Variants in ZRANB3 observed in about 807,000 individuals in gnomAD.
ZRANB3 encodes the protein zinc finger RANBP2-type containing 3.
ZRANB3 carries 125 observed loss-of-function variants against 133.8 expected under a neutral mutation model. The observed-to-expected ratio is 0.93, with a 90% CI of 0.81 to 1.08. The LOEUF (loss-of-function observed/expected upper bound fraction) is 1.08. Among genes scored for constraint, ZRANB3 ranks in the 50% least tolerant of loss-of-function variants. The pLI is 0.00. For missense variants in ZRANB3, 1,229 were observed against 1,275.5 expected (o/e 0.96, Z 0.56); for synonymous variants, 387 against 432.7 (o/e 0.89, Z 1.31).
At chr2:135,521,297 C>T (rs890037554) in intron 1 of ZRANB3, among the ~76,000 whole-genome samples, 1 of 152,162 alleles carries the variant, frequency 6.6e-6, no homozygotes, top group African/African-American at 2.4e-5. Flanking sequence ...GCCTGTAATC[C>T]CAGCACTTTG....
In ZRANB3 at chr2:135,492,965, A is replaced by G. The variant is rs558899641; in HGVS notation, c.161+11364T>C. Among the ~76,000 whole-genome samples the G allele has an allele frequency of 4.0e-5, 6 of 151,424 alleles. No individual in the cohort carries two copies. In the South Asian group the frequency reaches 1.0e-3, roughly 26 times the overall value. ...ATATGTGGTCAATCAATTTTTCACTAAAGTGCCAAGGTAATTTATGGGAAT... is the reference window on the plus strand; with the variant it reads ...ATATGTGGTCAATCAATTTTTCACTGAAGTGCCAAGGTAATTTATGGGAAT... On this transcript the variant is annotated intron_variant, in intron 2 of 20. Coordinates refer to ENST00000264159, the MANE Select transcript of ZRANB3 (RefSeq NM_032143.4).
At chr2:135,251,913 T>C (rs1679416525) in intron 12 of ZRANB3, among the ~76,000 whole-genome samples, 2 of 152,150 alleles carry the variant, frequency 1.3e-5, no homozygotes, top group South Asian at 2.1e-4. Flanking sequence ...TGTGTGCCTG[T>C]AGTCCCAGCT....
At chr2:135,476,000 C>T (rs578087272) in intron 2 of ZRANB3, among the ~76,000 whole-genome samples, 1 of 152,098 alleles carries the variant, frequency 6.6e-6, no homozygotes, top group Non-Finnish European at 1.5e-5. Context: ...ATCGTTTGAA[C>T]CCGGGAGGCG....
intron 2 of ZRANB3, among the ~76,000 whole-genome samples, chr2:135,444,321 T>C (rs1689922391): frequency 6.6e-6 from 1 of 152,194 alleles, no homozygotes; most frequent in Admixed American, 6.5e-5. Context: ...TGCATGGGAA[T>C]GTTCATAACA....
At chr2:135,323,888 C>G (rs1203872302) in intron 6 of ZRANB3, among the ~76,000 whole-genome samples, 1 of 151,946 alleles carries the variant, frequency 6.6e-6, no homozygotes, top group African/African-American at 2.4e-5. Flanking sequence ...CTGTCACAGC[C>G]TCCTGAGCAG....
At chr2:135,483,012 G>A (rs1371811532) in intron 2 of ZRANB3, among the ~76,000 whole-genome samples, 2 of 151,990 alleles carry the variant, frequency 1.3e-5, no homozygotes, top group Admixed American at 1.3e-4. Flanking sequence ...TGCTGGATTC[G>A]GTTTGCCAAT....
chr2:135,393,769 T>C (rs1165348617), intron 2 of ZRANB3, among the ~76,000 whole-genome samples: 2 of 152,122 alleles, frequency 1.3e-5, no homozygotes, highest in Non-Finnish European at 2.9e-5. Flanking sequence ...AAGAGAAAAC[T>C]AGGACTGGTA....
At chr2:135,265,323 A>T (rs1680178035) in intron 12 of ZRANB3, among the ~76,000 whole-genome samples, 1 of 152,116 alleles carries the variant, frequency 6.6e-6, no homozygotes, top group Non-Finnish European at 1.5e-5. Flanking sequence ...TCTGAATTTT[A>T]TTCAGTTTGT....
rs140647813 is a variant in ZRANB3, at chr2:135,307,516, T to G, written c.966+5973A>C. On this transcript the variant is annotated intron_variant, in intron 8 of 20. Transcript: ENST00000264159. Reference sequence around the variant, plus strand: ...CTTGCATGTTGTTTATCTTTTCTATTTGATGCTTTAACATATTATTCATAG... The same window carrying G: ...CTTGCATGTTGTTTATCTTTTCTATGTGATGCTTTAACATATTATTCATAG... Among the ~76,000 whole-genome samples, 212 of 152,374 alleles carry G rather than the reference T, an allele frequency of 1.4e-3. 2 individuals are homozygous for G. The highest frequency in any genetic ancestry group is 3.4e-3 in the Middle Eastern group (1 of 294).
chr2:135,378,231 A>T (rs1686513635), intron 3 of ZRANB3, among the ~76,000 whole-genome samples: 1 of 152,306 alleles, frequency 6.6e-6, no homozygotes, highest in South Asian at 2.1e-4. Context: ...AGTGGCTGAC[A>T]CCTGTAATCC....
chr2:135,418,229 T>C (rs530766632), intron 2 of ZRANB3, among the ~76,000 whole-genome samples: 284 of 152,280 alleles, frequency 1.9e-3, no homozygotes, highest in Middle Eastern at 0.014. Flanking sequence ...CTAGAGATAA[T>C]TTAAAGTATA....
intron 3 of ZRANB3, among the ~76,000 whole-genome samples, chr2:135,365,075 A>G (rs1163809372): frequency 6.6e-6 from 1 of 151,324 alleles, no homozygotes; most frequent in Non-Finnish European, 1.5e-5. Context: ...TGAAATAAAA[A>G]TAAATAATAA....
intron 1 of ZRANB3, among the ~76,000 whole-genome samples, chr2:135,513,942 T>C (rs575915583): frequency 1.6e-4 from 24 of 152,248 alleles, no homozygotes; most frequent in Admixed American, 3.3e-4. Flanking sequence ...GAGCAGATGG[T>C]TGTAGATGTG....
At chr2:135,357,106 G>A (rs979564740) in intron 3 of ZRANB3, among the ~76,000 whole-genome samples, 6 of 151,938 alleles carry the variant, frequency 3.9e-5, no homozygotes. Flanking sequence ...TGATGTTGTT[G>A]TTTTATATTT....
intron 2 of ZRANB3, among the ~76,000 whole-genome samples, chr2:135,427,518 T>C (rs1481071895): frequency 6.6e-6 from 1 of 152,054 alleles, no homozygotes; most frequent in Non-Finnish European, 1.5e-5. Flanking sequence ...AGGTGAAAGA[T>C]CTCAACAACA....
intron 2 of ZRANB3, among the ~76,000 whole-genome samples, chr2:135,464,372 C>G (rs1424619030): frequency 2.0e-5 from 3 of 152,136 alleles, no homozygotes; most frequent in Admixed American, 1.3e-4. Context: ...TGTGGAGGCA[C>G]AGGGATCCAT....
At chr2:135,490,603 TA>T (rs1412668323) in intron 2 of ZRANB3, among the ~76,000 whole-genome samples, 1 of 151,996 alleles carries the variant, frequency 6.6e-6, no homozygotes, top group African/African-American at 2.4e-5. Context: ...CTCAAGAAAC[TA>T]AAAATAGAAA....
chr2:135,484,135 G>A (rs546177005), intron 2 of ZRANB3, among the ~76,000 whole-genome samples: 1 of 152,094 alleles, frequency 6.6e-6, no homozygotes, highest in African/African-American at 2.4e-5. Flanking sequence ...GGTCCGCTTC[G>A]TGCAGAGCTG....
At chr2:135,456,339 A>C (rs745971753) in intron 2 of ZRANB3, among the ~76,000 whole-genome samples, 2 of 152,220 alleles carry the variant, frequency 1.3e-5, no homozygotes, top group Non-Finnish European at 2.9e-5. Context: ...GGGAATAGCA[A>C]GAAAACACAT....
Sources: allele counts gnomAD v4.1 joint callset (sites outside exome capture counted in the v4.1 genomes callset), GRCh38; gene constraint gnomAD v4.1.1; transcripts MANE v1.5; gene names NCBI Gene and HGNC (gene_info 2026-07-23, HGNC 2026-07-21).